Variants in VPS13B observed in about 807,000 individuals in gnomAD.
VPS13B encodes vacuolar protein sorting 13 homolog B, also known as intermembrane lipid transfer protein VPS13B.
In VPS13B, 285 loss-of-function variants were observed where a neutral mutation model predicts 426.4. The ratio of observed to expected loss-of-function variants is 0.67; its 90% CI spans 0.61 to 0.74. VPS13B has a LOEUF of 0.74. Among genes scored for constraint, VPS13B ranks in the 30% least tolerant of loss-of-function variants. VPS13B has a pLI of 0.00. For synonymous variants in VPS13B, 1,676 were observed against 1,676.4 expected, an observed-to-expected ratio of 1.00 and a Z score of 0.01; for missense variants, 4,537 against 4,782.6, an observed-to-expected ratio of 0.95 and a Z score of 1.51.
intron 39 of VPS13B, among the ~76,000 whole-genome samples, chr8:99,749,677 A>C (rs1810292920): frequency 6.6e-6 from 1 of 152,070 alleles, no homozygotes; most frequent in East Asian, 1.9e-4. Flanking sequence ...AATCTTGGCT[A>C]TTGTAAATAG....
chr8:99,085,014 A>AT (rs1554604468), intron 3 of VPS13B, among the ~76,000 whole-genome samples: 14 of 151,866 alleles, frequency 9.2e-5, no homozygotes, highest in African/African-American at 1.2e-4. Flanking sequence ...ATCCTTGTTA[A>AT]TTTCTGTCTC....
chr8:99,468,015 T>G (rs1281108296), intron 24 of VPS13B, among the ~76,000 whole-genome samples: 1 of 152,226 alleles, frequency 6.6e-6, no homozygotes, highest in African/African-American at 2.4e-5. Context: ...TTTTTTATTA[T>G]TATACTTTAA....
chr8:99,508,166 A>T (rs958433765), intron 28 of VPS13B, among the ~76,000 whole-genome samples: 32 of 152,188 alleles, frequency 2.1e-4, no homozygotes, highest in African/African-American at 4.8e-4. Context: ...ATATTTTTTT[A>T]AATTGTGCAT....
At chr8:99,403,253 C>T (rs1815138303) in intron 21 of VPS13B, among the ~76,000 whole-genome samples, 1 of 151,866 alleles carries the variant, frequency 6.6e-6, no homozygotes, top group African/African-American at 2.4e-5. Flanking sequence ...TCTCTATGAT[C>T]AAAGAAAAAC....
intron 30 of VPS13B, among the ~76,000 whole-genome samples, chr8:99,537,260 C>T (rs1823300953): frequency 6.6e-6 from 1 of 151,932 alleles, no homozygotes; most frequent in Non-Finnish European, 1.5e-5. Flanking sequence ...AAAGTATAGG[C>T]ATGTTTGAAA....
chr8:99,781,641 A>C (rs1326210921), intron 42 of VPS13B, among the ~76,000 whole-genome samples: 2 of 152,158 alleles, frequency 1.3e-5, no homozygotes, highest in Non-Finnish European at 2.9e-5. Flanking sequence ...AAATGTAAAC[A>C]ACCCCCTTGT....
chr8:99,642,803 C>T (rs1009731257), intron 34 of VPS13B, among the ~76,000 whole-genome samples: 5 of 152,088 alleles, frequency 3.3e-5, no homozygotes, highest in Non-Finnish European at 4.4e-5. Context: ...AAGCATAGCT[C>T]GTTTTCATAT....
chr8:99,332,747 C>G (rs184730445), intron 19 of VPS13B, among the ~76,000 whole-genome samples: 1 of 151,420 alleles, frequency 6.6e-6, no homozygotes, highest in African/African-American at 2.4e-5. Flanking sequence ...TCTGAATTTC[C>G]CATATGAATT....
intron 30 of VPS13B, among the ~76,000 whole-genome samples, chr8:99,521,314 A>G (rs915386648): frequency 2.6e-5 from 4 of 152,196 alleles, no homozygotes; most frequent in Non-Finnish European, 5.9e-5. Context: ...CACATAAGAA[A>G]ACGAGGTCCT....
intron 30 of VPS13B, among the ~76,000 whole-genome samples, chr8:99,551,290 T>G (rs992281134): frequency 3.3e-5 from 5 of 152,078 alleles, no homozygotes; most frequent in Non-Finnish European, 7.4e-5. Context: ...TGTTGTATAA[T>G]GTAATGTAAA....
At chr8:99,415,401 G>A (rs1005916486) in intron 21 of VPS13B, among the ~76,000 whole-genome samples, 3 of 151,838 alleles carry the variant, frequency 2.0e-5, no homozygotes, top group Non-Finnish European at 2.9e-5. Flanking sequence ...CCCACCTTCC[G>A]AAGCCTGCCT....
chr8:99,719,636 A>G (rs960391570), intron 37 of VPS13B, among the ~76,000 whole-genome samples: 2 of 152,196 alleles, frequency 1.3e-5, no homozygotes, highest in Non-Finnish European at 2.9e-5. Flanking sequence ...TGAAAGTTTT[A>G]ATCTTCATTA....
intron 30 of VPS13B, among the ~76,000 whole-genome samples, chr8:99,528,999 A>G (rs529674263): frequency 6.6e-6 from 1 of 152,178 alleles, no homozygotes; most frequent in Admixed American, 6.5e-5. Flanking sequence ...AAAATAAGAA[A>G]AGGTAAAATA....
chr8:99,221,889 TATAC>T (rs967967470), intron 17 of VPS13B, among the ~76,000 whole-genome samples: 15 of 152,222 alleles, frequency 9.9e-5, no homozygotes, highest in Non-Finnish European at 1.5e-5. Flanking sequence ...CTCAGCTTCA[TATAC>T]ATACTTTCTT....
intron 37 of VPS13B, 81 bp from the exon 38 acceptor site, chr8:99,720,263 TA>T (rs1469797478): frequency 8.9e-7 from 1 of 1,119,930 alleles, no homozygotes; most frequent in African/African-American, 1.6e-5. Flanking sequence ...AGTCCTACAT[TA>T]ATTCAAATAT....
chr8:99,341,737 CT>C, intron 19 of VPS13B: 1 of 392,476 alleles, frequency 2.5e-6, no homozygotes, highest in South Asian at 2.4e-5. Flanking sequence ...CCTTTTTTGT[CT>C]TTCCCACCAA....
At chr8:99,040,067 C>T (rs1188289300) in intron 3 of VPS13B, among the ~76,000 whole-genome samples, 2 of 151,486 alleles carry the variant, frequency 1.3e-5, no homozygotes, top group Admixed American at 6.6e-5. Flanking sequence ...GTTATACCAC[C>T]CATGCAGTGT....
intron 38 of VPS13B, 80 bp downstream of exon 38, chr8:99,720,632 A>C: frequency 6.9e-7 from 1 of 1,457,650 alleles, no homozygotes. Flanking sequence ...AAATAAAAAC[A>C]ATCAAGATGG....
chr8:99,108,522 A>G (rs987440688), intron 5 of VPS13B, among the ~76,000 whole-genome samples: 4 of 152,054 alleles, frequency 2.6e-5, no homozygotes, highest in Non-Finnish European at 5.9e-5. Context: ...AGCACCATTT[A>G]TTGAAGAGAC....
Sources: allele counts gnomAD v4.1 joint callset (sites outside exome capture counted in the v4.1 genomes callset), GRCh38; gene constraint gnomAD v4.1.1; transcripts MANE v1.5; gene names NCBI Gene and HGNC (gene_info 2026-07-23, HGNC 2026-07-21).